SRP19: variants seen among roughly 807,000 people sequenced by gnomAD.
The protein encoded by SRP19 is signal recognition particle 19 kDa protein.
Under a neutral mutation model 22.4 loss-of-function variants are expected in SRP19, and 11 were observed. That is an observed-to-expected ratio of 0.49 (90% CI 0.31 to 0.81). The LOEUF (loss-of-function observed/expected upper bound fraction) is 0.81. Among genes scored for constraint, SRP19 ranks in the 40% least tolerant of loss-of-function variants. The probability of loss-of-function intolerance (pLI) is 0.05; values close to 1 mark genes in which losing one functional copy is unlikely to be tolerated. For synonymous variants in SRP19, 61 were observed against 57.6 expected (o/e 1.06, Z -0.27); for missense variants, 168 against 175.9 (o/e 0.96, Z 0.25).
At chr5:112,890,030 T>G (rs1001612838) in intron 4 of SRP19, among the ~76,000 whole-genome samples, 1 of 150,466 alleles carries the variant, frequency 6.6e-6, no homozygotes, top group African/African-American at 2.5e-5. Flanking sequence ...TTTCACCATG[T>G]TGGCCAGGCT....
chr5:112,871,017 T>TA (rs1767746251), downstream of SRP19, among the ~76,000 whole-genome samples: 1 of 152,090 alleles, frequency 6.6e-6, no homozygotes, highest in Non-Finnish European at 1.5e-5. Flanking sequence ...TGTACCCAGC[T>TA]AATTTATGTA....
chr5:112,865,155 A>T (rs1267727877), intron 4 of SRP19: 2 of 153,988 alleles, frequency 1.3e-5, no homozygotes, highest in African/African-American at 4.8e-5. Context: ...AGAGATATAC[A>T]TAGTGTGGTA....
At chr5:112,896,894 A>G (rs1472184332), downstream of SRP19, 1 of 152,200 alleles carries the variant, frequency 6.6e-6, no homozygotes, top group Non-Finnish European at 1.5e-5. Context: ...ACGCCACTGC[A>G]CTCCAGCCTG....
At chr5:112,892,527 G>C in exon 5 of SRP19, 1 of 1,614,192 alleles carries the variant, frequency 6.2e-7, no homozygotes, top group Non-Finnish European at 8.5e-7. Flanking sequence ...ACGGACGATG[G>C]TATGCAGGAC....
exon 5 of SRP19, chr5:112,892,012 G>A (rs1325038411): frequency 2.3e-6 from 3 of 1,306,696 alleles, no homozygotes; most frequent in Non-Finnish European, 3.3e-6. Flanking sequence ...GAAAGAGAGA[G>A]AAGAGGAGGA....
At chr5:112,864,860 A>G (rs991447536) in intron 4 of SRP19, 128 bp downstream of exon 4, 4 of 647,686 alleles carry the variant, frequency 6.2e-6, no homozygotes, top group African/African-American at 3.6e-5. Context: ...AGACAGGACT[A>G]CTGCTCATGG....
intron 4 of SRP19, among the ~76,000 whole-genome samples, chr5:112,890,437 C>T (rs1768403519): frequency 2.0e-5 from 3 of 149,216 alleles, no homozygotes; most frequent in African/African-American, 7.5e-5. Context: ...GGCACAAATA[C>T]AAAACACTAT....
In SRP19 at chr5:112,885,531, G is replaced by C. The variant is rs534014978; in HGVS notation, c.302-6072G>C. ...TGAGGGTAGAAGTTAGTTGTGGTGG[G>C]GTTGGAAGTAAACATCAACTACCTT... On this transcript the variant is annotated intron_variant, in intron 4 of 4. Coordinates refer to the SRP19 transcript ENST00000391338. The C allele has an allele frequency of 3.5e-5, 8 of 231,448 alleles. No individual in the cohort carries two copies. The South Asian group carries it at 5.3e-4, about 15-fold the overall frequency. The allele number at this position is 231,448 out of a possible 1,614,324, so 14.3% of individuals were successfully genotyped here.
chr5:112,873,271 C>CTTTTTTTTT (rs35379154), downstream of SRP19, among the ~76,000 whole-genome samples: 1,711 of 49,460 alleles, frequency 0.035, 4 homozygotes, highest in Non-Finnish European at 0.037. Flanking sequence ...CTCAGGTTTT[C>CTTTTTTTTT]TTTTTTTTTT....
chr5:112,894,567 T>A (rs1312800517), downstream of SRP19: 1 of 152,216 alleles, frequency 6.6e-6, no homozygotes, highest in Non-Finnish European at 1.5e-5. Flanking sequence ...GAATCCTTGG[T>A]GGACATTTTG....
chr5:112,863,739 A>G (rs1277571664), intron 2 of SRP19, among the ~76,000 whole-genome samples: 1 of 151,480 alleles, frequency 6.6e-6, no homozygotes, highest in African/African-American at 2.4e-5. Flanking sequence ...GTCTCAGCGC[A>G]CTGCAGGCTC....
intron 4 of SRP19, among the ~76,000 whole-genome samples, chr5:112,884,234 T>TA (rs1768162757): frequency 1.3e-5 from 2 of 152,320 alleles, no homozygotes; most frequent in Admixed American, 6.5e-5. Flanking sequence ...CATTATGTGA[T>TA]ACGTCTTCCA....
chr5:112,889,096 T>A (rs1768351400), intron 4 of SRP19, among the ~76,000 whole-genome samples: 1 of 150,794 alleles, frequency 6.6e-6, no homozygotes, highest in Admixed American at 6.6e-5. Context: ...GATTGTGAGG[T>A]CTCCACAACC....
chr5:112,887,519 T>C (rs910126714), intron 4 of SRP19, among the ~76,000 whole-genome samples: 4 of 152,158 alleles, frequency 2.6e-5, no homozygotes, highest in African/African-American at 9.7e-5. Context: ...TTTAAGAAAA[T>C]ATAGTACTTA....
chr5:112,887,172 C>G, intron 4 of SRP19: 1 of 1,599,148 alleles, frequency 6.3e-7, no homozygotes. Flanking sequence ...TGCACCACAA[C>G]AGGAAGCCAC....
chr5:112,866,238 G>C (rs428181), intron 4 of SRP19, among the ~76,000 whole-genome samples: 2 of 150,844 alleles, frequency 1.3e-5, no homozygotes, highest in African/African-American at 4.9e-5. Context: ...TGCCTCAGCC[G>C]TCTGAGTAGC....
exon 5 of SRP19, chr5:112,892,585 A>T (rs1232932130): frequency 6.2e-6 from 10 of 1,614,082 alleles, no homozygotes; most frequent in Non-Finnish European, 8.5e-6. Flanking sequence ...GAAAATGGCG[A>T]TTTGTGGTTT....
At chr5:112,862,897 A>C (rs750830669) in intron 2 of SRP19, among the ~76,000 whole-genome samples, 1 of 152,220 alleles carries the variant, frequency 6.6e-6, no homozygotes, top group Non-Finnish European at 1.5e-5. Flanking sequence ...GGAAATCAAA[A>C]TTATGACATT....
At chr5:112,871,389 G>A (rs1767756820), downstream of SRP19, among the ~76,000 whole-genome samples, 1 of 151,436 alleles carries the variant, frequency 6.6e-6, no homozygotes, top group East Asian at 1.9e-4. Context: ...GCTCAGTGCA[G>A]CCTCAACCTC....
Sources: gnomAD v4.1 joint callset for allele counts (sites outside exome capture counted in the v4.1 genomes callset) on GRCh38, gnomAD v4.1.1 for gene constraint, MANE v1.5 for transcripts, NCBI Gene and HGNC (gene_info 2026-07-23, HGNC 2026-07-21) for gene names.